GLDC: variants seen among roughly 807,000 people sequenced by gnomAD.
GLDC encodes glycine dehydrogenase (decarboxylating), mitochondrial.
GLDC carries 104 observed loss-of-function variants against 121.3 expected under a neutral mutation model. The ratio of observed to expected loss-of-function variants is 0.86; its 90% CI spans 0.73 to 1.01. The LOEUF is 1.01. Among genes scored for constraint, GLDC ranks in the 50% least tolerant of loss-of-function variants. The pLI is 0.00. For synonymous variants in GLDC, 546 were observed against 480.6 expected, an observed-to-expected ratio of 1.14 and a Z score of -1.78; for missense variants, 1,429 against 1,306.6, an observed-to-expected ratio of 1.09 and a Z score of -1.44.
intron 15 of GLDC, chr9:6,566,008 G>A (rs1328374845): frequency 1.1e-5 from 2 of 174,974 alleles, no homozygotes; most frequent in Non-Finnish European, 2.4e-5. Flanking sequence ...TTGGGGGGCC[G>A]ATGTGGGCAG....
intron 21 of GLDC, among the ~76,000 whole-genome samples, chr9:6,547,680 G>T (rs55736048): frequency 3.9e-5 from 6 of 151,970 alleles, no homozygotes; most frequent in Admixed American, 2.6e-4. Context: ...GGATACTCAC[G>T]GCCACATTGT....
chr9:6,611,794 T>C (rs1021045686), intron 3 of GLDC, among the ~76,000 whole-genome samples: 1 of 152,222 alleles, frequency 6.6e-6, no homozygotes, highest in African/African-American at 2.4e-5. Flanking sequence ...TACTAAGTCT[T>C]TCCTATTTAT....
At chr9:6,563,364 C>T (rs1442900413) in intron 16 of GLDC, among the ~76,000 whole-genome samples, 1 of 152,236 alleles carries the variant, frequency 6.6e-6, no homozygotes, top group African/African-American at 2.4e-5. Context: ...CTGCTTTCTG[C>T]AAACACTGCT....
Position 6,534,728 on chromosome 9 carries a change from C to G in GLDC, c.2899G>C (p.Glu967Gln). The change falls in exon 24 of 25, where the codon GAG (glutamate) becomes CAG (glutamine). Residue 967 changes from glutamate to glutamine, a missense_variant. Glu to Gln is a conservative substitution (Grantham distance 29). Coordinates refer to ENST00000321612, the MANE Select transcript of GLDC (RefSeq NM_000170.3). ...CTTACGAGTGGGAATGCTGCCACCT[C>G]TCTGGAATAAGGCCGGTCCCAGTGG... Reference protein sequence around the residue: ...SSHWDRPYSREVAAFPLPFVK... With the variant: ...SSHWDRPYSRQVAAFPLPFVK... 2 of 1,602,172 alleles carry G rather than the reference C, an allele frequency of 1.2e-6. No homozygotes were observed. Among genetic ancestry groups the G allele is most frequent in the Non-Finnish European group, 1.7e-6 (2 of 1,169,168 alleles).
At chr9:6,616,902 C>G (rs1818976549) in intron 3 of GLDC, among the ~76,000 whole-genome samples, 1 of 152,158 alleles carries the variant, frequency 6.6e-6, no homozygotes, top group Admixed American at 6.5e-5. Context: ...GAGATTCTCT[C>G]ATTTTAATCC....
chr9:6,608,394 C>A (rs549191190), intron 4 of GLDC, among the ~76,000 whole-genome samples: 40 of 149,224 alleles, frequency 2.7e-4, no homozygotes, highest in Admixed American at 1.2e-3. Flanking sequence ...TGCACTCCAG[C>A]CTGAGTGACA....
intron 15 of GLDC, among the ~76,000 whole-genome samples, chr9:6,571,135 TATGTA>T (rs1817958318): frequency 6.6e-6 from 1 of 151,658 alleles, no homozygotes; most frequent in South Asian, 2.1e-4. Context: ...CTAAAATGCA[TATGTA>T]AAGGCAAAGT....
intron 22 of GLDC, among the ~76,000 whole-genome samples, chr9:6,539,639 A>G (rs112942087): frequency 4.6e-5 from 7 of 152,290 alleles, no homozygotes; most frequent in African/African-American, 1.7e-4. Context: ...TTTCTTTGTG[A>G]AAACTACTAC....
chr9:6,624,670 T>C (rs542262518), intron 2 of GLDC, among the ~76,000 whole-genome samples: 1 of 152,274 alleles, frequency 6.6e-6, no homozygotes, highest in East Asian at 1.9e-4. Flanking sequence ...ATAATACTCT[T>C]GGGCCCAGCT....
chr9:6,549,657 G>A (rs1817468805), intron 21 of GLDC, among the ~76,000 whole-genome samples: 1 of 152,154 alleles, frequency 6.6e-6, no homozygotes, highest in South Asian at 2.1e-4. Context: ...TGTGTAAAAG[G>A]ATGCCTGGTT....
At chr9:6,558,714 G>C in intron 16 of GLDC, 30 bp from the exon 17 acceptor site, 1 of 1,613,660 alleles carries the variant, frequency 6.2e-7, no homozygotes. Flanking sequence ...CAAAGAAAGA[G>C]CAAAATCATC....
chr9:6,611,739 TTC>T (rs1335434876), intron 3 of GLDC, among the ~76,000 whole-genome samples: 1 of 152,238 alleles, frequency 6.6e-6, no homozygotes, highest in African/African-American at 2.4e-5. Context: ...TGGAACATTA[TTC>T]TCTGTCTTCC....
At chr9:6,561,658 A>G (rs1406839180) in intron 16 of GLDC, among the ~76,000 whole-genome samples, 1 of 151,220 alleles carries the variant, frequency 6.6e-6, no homozygotes, top group Non-Finnish European at 1.5e-5. Context: ...TGGGGGAAAA[A>G]AATTGTATTG....
intron 16 of GLDC, among the ~76,000 whole-genome samples, chr9:6,561,967 G>C (rs939414295): frequency 6.6e-6 from 1 of 152,164 alleles, no homozygotes; most frequent in Non-Finnish European, 1.5e-5. Flanking sequence ...TACAGGTTTT[G>C]AGCTTTCTTT....
At chr9:6,550,748 C>G in intron 21 of GLDC, 55 bp downstream of exon 21, 2 of 1,118,494 alleles carry the variant, frequency 1.8e-6, no homozygotes, top group South Asian at 1.2e-5. Context: ...CTAGGTCAAA[C>G]TTAGTTTGGC....
At chr9:6,545,552 C>G (rs1817370213) in intron 21 of GLDC, among the ~76,000 whole-genome samples, 1 of 152,102 alleles carries the variant, frequency 6.6e-6, no homozygotes, top group Admixed American at 6.5e-5. Context: ...TGTATACTAC[C>G]ATAGACTTTG....
At position 6,604,850 on chromosome 9, in the gene GLDC, G is replaced by C. The variant is rs7019384; in HGVS notation, c.862-66C>G. The stretch of plus-strand genomic sequence containing the variant: ...TTCCCTGAGAGTAGTGGGAGAGTAG[G>C]AAATTATCTTAACTACAGGAAGACG... On this transcript the variant is annotated intron_variant, in intron 6 of 24. Coordinates refer to ENST00000321612, the MANE Select transcript of GLDC (RefSeq NM_000170.3). 6,541 of 1,291,264 alleles carry C rather than the reference G, an allele frequency of 5.1e-3. 242 individuals are homozygous for C. In the African/African-American group the frequency reaches 0.081, roughly 16 times the overall value. The allele number at this position is 1,291,264 out of a possible 1,614,324, so 80.0% of individuals were successfully genotyped here.
intron 2 of GLDC, among the ~76,000 whole-genome samples, chr9:6,643,242 G>A (rs374486155): frequency 1.3e-4 from 19 of 151,540 alleles, no homozygotes; most frequent in East Asian, 9.6e-4. Flanking sequence ...GCTTCCCTCC[G>A]ACCATCCCTA....
At chr9:6,555,199 A>G (rs1817597688) in intron 18 of GLDC, among the ~76,000 whole-genome samples, 1 of 152,124 alleles carries the variant, frequency 6.6e-6, no homozygotes, top group South Asian at 2.1e-4. Flanking sequence ...GATGCACGTT[A>G]CCGAACGGCC....
Sources: gnomAD v4.1 joint callset for allele counts (sites outside exome capture counted in the v4.1 genomes callset) on GRCh38, gnomAD v4.1.1 for gene constraint, MANE v1.5 for transcripts, NCBI Gene and HGNC (gene_info 2026-07-23, HGNC 2026-07-21) for gene names.